CENPU: variants seen among roughly 807,000 people sequenced by gnomAD.
CENPU encodes KSHV latent nuclear antigen interacting protein 1.
CENPU carries 46 observed loss-of-function variants against 56.7 expected under a neutral mutation model. The ratio of observed to expected loss-of-function variants is 0.81; its 90% CI spans 0.64 to 1.04. The LOEUF (loss-of-function observed/expected upper bound fraction) is 1.04, where lower values mean the gene tolerates loss of function less well. Ranked by LOEUF, CENPU falls within the 50% of genes least tolerant of loss-of-function variation. The pLI is 0.00. For synonymous variants in CENPU, 166 were observed against 163.0 expected, an observed-to-expected ratio of 1.02 and a Z score of -0.14; for missense variants, 510 against 490.1, an observed-to-expected ratio of 1.04 and a Z score of -0.38.
intron 11 of CENPU, among the ~76,000 whole-genome samples, chr4:184,698,695 C>T (rs186906623): frequency 2.0e-5 from 3 of 152,264 alleles, no homozygotes; most frequent in Admixed American, 1.3e-4. Context: ...GTGATCCACC[C>T]GCCCCAGCCT....
chr4:184,722,889 C>T (rs2150225311), intron 4 of CENPU, among the ~76,000 whole-genome samples: 1 of 152,276 alleles, frequency 6.6e-6, no homozygotes. Flanking sequence ...CAAATTAGAA[C>T]TAGGCTGGGA....
intron 11 of CENPU, among the ~76,000 whole-genome samples, chr4:184,700,224 G>T (rs1321597815): frequency 2.6e-5 from 4 of 152,134 alleles, no homozygotes; most frequent in Non-Finnish European, 5.9e-5. Flanking sequence ...GCAGGGCCTG[G>T]TAAGTTCACC....
chr4:184,722,154 G>C (rs985590950), intron 4 of CENPU, among the ~76,000 whole-genome samples: 2 of 152,100 alleles, frequency 1.3e-5, no homozygotes, highest in South Asian at 2.1e-4. Flanking sequence ...GGTCAATTAA[G>C]AGATTAAGAA....
In CENPU at chr4:184,728,902, G is replaced by A. The variant is rs754189906; in HGVS notation, c.214+16C>T. On this transcript the variant is annotated intron_variant, in intron 3 of 12. Coordinates refer to ENST00000281453, the MANE Select transcript of CENPU (RefSeq NM_024629.4). ...TGCTTTAGAGTTATGTTAGGATAAA[G>A]ATTTAAAGTACTAACCAAAGGTCTC... 2 of 1,571,254 alleles carry A rather than the reference G, an allele frequency of 1.3e-6. No individual in the cohort carries two copies. Among genetic ancestry groups the A allele is most frequent in the Admixed American group, 3.4e-5 (2 of 59,556 alleles).
intron 4 of CENPU, among the ~76,000 whole-genome samples, chr4:184,718,061 G>A (rs1761151971): frequency 6.6e-6 from 1 of 152,206 alleles, no homozygotes; most frequent in South Asian, 2.1e-4. Flanking sequence ...ACCCACATAG[G>A]CATGCTGCAT....
At chr4:184,732,409 G>A (rs1761679458) in intron 1 of CENPU, among the ~76,000 whole-genome samples, 1 of 152,170 alleles carries the variant, frequency 6.6e-6, no homozygotes, top group South Asian at 2.1e-4. Context: ...TTTCTAACAA[G>A]TTCACGATTT....
Position 184,694,738 on chromosome 4 carries a change from G to A in CENPU, c.*550C>T. The stretch of plus-strand genomic sequence containing the variant: ...TCTCAGTTATAACAGTGAAGTGGAT[G>A]AAATTCCTGATGAACTAATTATAGA... On this transcript the variant is annotated 3_prime_UTR_variant, in exon 13 of 13. Coordinates refer to ENST00000281453, the MANE Select transcript of CENPU (RefSeq NM_024629.4). 6.2e-7 allele frequency: 1 copy of A among 1,612,324 alleles called. No homozygotes were observed. Among genetic ancestry groups the A allele is most frequent in the South Asian group, 1.1e-5 (1 of 91,050 alleles).
intron 6 of CENPU, among the ~76,000 whole-genome samples, chr4:184,714,516 T>C (rs1761026262): frequency 6.6e-6 from 1 of 152,236 alleles, no homozygotes; most frequent in South Asian, 2.1e-4. Flanking sequence ...CATAATATTG[T>C]TATGTAATTA....
At chr4:184,715,664 A>T (rs139419361) in intron 6 of CENPU, among the ~76,000 whole-genome samples, 136 of 152,348 alleles carry the variant, frequency 8.9e-4, no homozygotes, top group South Asian at 1.2e-3. Flanking sequence ...GATCTAAGGA[A>T]TGCACAAATA....
chr4:184,714,004 C>T (rs7678864), intron 6 of CENPU: 26,982 of 151,984 alleles, frequency 0.18, 2,660 homozygotes, highest in African/African-American at 0.26. Flanking sequence ...AACAACATAA[C>T]TGATAACAAA....
intron 1 of CENPU, 41 bp downstream of exon 1, chr4:184,733,975 T>G (rs774837018): frequency 3.1e-6 from 5 of 1,611,122 alleles, no homozygotes; most frequent in Admixed American, 3.3e-5. Context: ...CAGTTCAAGC[T>G]GGTCTCCGGC....
Position 184,695,087 on chromosome 4 carries a change from A to AGAT in CENPU, c.*198_*200dup. ...AATTACTCAAGATATTAACCAGAAAAGATGATTATGGCCTTTAAAACTATT... is the reference window on the plus strand; with the variant it reads ...AATTACTCAAGATATTAACCAGAAAAGATGATGATTATGGCCTTTAAAACTATT... On this transcript the variant is annotated 3_prime_UTR_variant, in exon 13 of 13. Coordinates refer to ENST00000281453, the MANE Select transcript of CENPU (RefSeq NM_024629.4). The AGAT allele has an allele frequency of 1.8e-6, 1 of 545,338 alleles. No individual in the cohort carries two copies. Among genetic ancestry groups the AGAT allele is most frequent in the South Asian group, 2.4e-5 (1 of 41,024 alleles). 33.8% of individuals were successfully genotyped at this position (545,338 alleles called of 1,614,324 possible).
intron 1 of CENPU, 96 bp downstream of exon 1, chr4:184,733,902 GGGCGACCTCCACAGTGGA>G: frequency 7.0e-7 from 1 of 1,428,842 alleles, no homozygotes; most frequent in Non-Finnish European, 9.8e-7. Flanking sequence ...TTGGCCACTC[GGGCGACCTCCACAGTGGA>G]GCACCAACAG....
At position 184,697,748 on chromosome 4, in the gene CENPU, T is replaced by C; in HGVS notation, c.1042A>G (p.Lys348Glu). The change falls in exon 12 of 13, where the codon AAG becomes GAG. Residue 348 changes from lysine (K) to glutamate (E), a missense_variant. Transcript: ENST00000281453. Reference protein sequence around the residue: ...QTKYDELKERKSSLRNAAYFL... With the variant: ...QTKYDELKERESSLRNAAYFL... ...TATGCTGCATTCCTAAGGGAAGACTTTCTCTCTTTAAGTTCATCATATTTT... is the reference window on the plus strand; with the variant it reads ...TATGCTGCATTCCTAAGGGAAGACTCTCTCTCTTTAAGTTCATCATATTTT... The C allele has an allele frequency of 6.2e-7, 1 of 1,612,926 alleles. No homozygotes were observed. Among genetic ancestry groups the C allele is most frequent in the Non-Finnish European group, 8.5e-7 (1 of 1,179,538 alleles).
In CENPU at chr4:184,734,078, T is replaced by C. The variant is rs1761756843; in HGVS notation, c.-16A>G. The C allele has an allele frequency of 1.3e-5, 20 of 1,546,556 alleles. No individual in the cohort carries two copies. The highest frequency in any genetic ancestry group is 2.4e-5 in the East Asian group (1 of 40,960). ...GCGGGGCCATGGTGCCGCTCTCCGC[T>C]CTCGAGCGACTGGAAGCTCCCGCCA... On this transcript the variant is annotated 5_prime_UTR_variant, in exon 1 of 13. Coordinates refer to ENST00000281453, the MANE Select transcript of CENPU (RefSeq NM_024629.4).
chr4:184,716,327 C>G (rs773273917), intron 6 of CENPU, 70 bp downstream of exon 6: 188 of 901,968 alleles, frequency 2.1e-4, no homozygotes, highest in Non-Finnish European at 3.2e-4. Flanking sequence ...AGAGAAAATG[C>G]TTCATTTTCT....
intron 7 of CENPU, among the ~76,000 whole-genome samples, chr4:184,711,534 G>A (rs185601840): frequency 6.6e-6 from 1 of 152,102 alleles, no homozygotes; most frequent in Non-Finnish European, 1.5e-5. Context: ...CTTTGTACCT[G>A]CTGACCAGCC....
At chr4:184,704,531 A>G (rs1322097757) in intron 8 of CENPU, among the ~76,000 whole-genome samples, 1 of 152,154 alleles carries the variant, frequency 6.6e-6, no homozygotes, top group Non-Finnish European at 1.5e-5. Context: ...AAACTGCCTA[A>G]GGATGCAGTT....
chr4:184,694,126 G>C lies in CENPU; in HGVS notation c.*1162C>G, dbSNP rs576489982. On this transcript the variant is annotated 3_prime_UTR_variant, in exon 13 of 13. Coordinates refer to ENST00000281453, the MANE Select transcript of CENPU (RefSeq NM_024629.4). ...TAATCTTTTTTCAATCCATGTTTAC[G>C]ATTTGCTAAATACTTTAAAATTTAA... The C allele has an allele frequency of 9.1e-6, 6 of 660,232 alleles. No homozygotes were observed. Among genetic ancestry groups the C allele is most frequent in the Non-Finnish European group, 1.1e-5 (6 of 533,494 alleles). The allele number at this position is 660,232 out of a possible 1,614,324, so 40.9% of individuals were successfully genotyped here.
Sources: gnomAD v4.1 joint callset for allele counts (sites outside exome capture counted in the v4.1 genomes callset) on GRCh38, gnomAD v4.1.1 for gene constraint, MANE v1.5 for transcripts, NCBI Gene and HGNC (gene_info 2026-07-23, HGNC 2026-07-21) for gene names.